The following TNRC6B variants were observed in gnomAD, a reference collection of about 807,000 sequenced individuals.
TNRC6B encodes the protein trinucleotide repeat-containing gene 6B protein.
A neutral mutation model predicts 203.6 loss-of-function variants in TNRC6B; 52 were observed. The observed-to-expected ratio is 0.26, with a 90% confidence interval of 0.20 to 0.32. TNRC6B has a LOEUF of 0.32. Among genes scored for constraint, TNRC6B ranks in the 10% least tolerant of loss-of-function variants. The probability of loss-of-function intolerance (pLI) is 1.00; values close to 1 mark genes in which losing one functional copy is unlikely to be tolerated. For synonymous variants in TNRC6B, 838 were observed against 845.7 expected (o/e 0.99, Z 0.16); for missense variants, 1,923 against 2,286.2 (o/e 0.84, Z 3.24).
upstream of TNRC6B, among the ~76,000 whole-genome samples, chr22:40,177,748 T>C (rs1297483209): frequency 1.3e-5 from 2 of 152,244 alleles, no homozygotes; most frequent in Non-Finnish European, 2.9e-5. Context: ...TCACATGCAG[T>C]GTCTGTAGGC....
chr22:40,268,270 G>A (rs1330799353), intron 5 of TNRC6B, among the ~76,000 whole-genome samples: 1 of 152,056 alleles, frequency 6.6e-6, no homozygotes, highest in Non-Finnish European at 1.5e-5. Flanking sequence ...ATTTTTAGTA[G>A]AGACAGGATT....
At chr22:40,313,760 T>C (rs1465432633) in intron 19 of TNRC6B, among the ~76,000 whole-genome samples, 2 of 152,224 alleles carry the variant, frequency 1.3e-5, no homozygotes, top group Non-Finnish European at 2.9e-5. Flanking sequence ...CTCTGTCATA[T>C]CAGCAGTGCA....
At chr22:40,065,329 G>C (rs1013328412) in intron 1 of TNRC6B, among the ~76,000 whole-genome samples, 2 of 151,600 alleles carry the variant, frequency 1.3e-5, no homozygotes, top group African/African-American at 4.9e-5. Flanking sequence ...TTGTTTTTGT[G>C]GAGGTAGGGT....
chr22:40,243,025 C>A (rs566179123), intron 1 of TNRC6B, among the ~76,000 whole-genome samples: 80 of 152,200 alleles, frequency 5.3e-4, no homozygotes, highest in Admixed American at 9.8e-4. Flanking sequence ...TGTGCCACCA[C>A]GCCCAGCTAA....
At chr22:40,101,038 G>A (rs1413437986) in intron 1 of TNRC6B, among the ~76,000 whole-genome samples, 1 of 151,518 alleles carries the variant, frequency 6.6e-6, no homozygotes, top group Admixed American at 6.6e-5. Flanking sequence ...TGTTGCCCAG[G>A]CTGGAGTGCA....
At chr22:40,277,241 C>T (rs1569050617) in intron 8 of TNRC6B, 90 bp downstream of exon 8, 4 of 900,444 alleles carry the variant, frequency 4.4e-6, no homozygotes, top group Non-Finnish European at 6.5e-6. Flanking sequence ...ACATATAGTA[C>T]AAAATTAAAG....
chr22:40,113,583 G>A (rs538308676), intron 1 of TNRC6B, among the ~76,000 whole-genome samples: 5 of 152,242 alleles, frequency 3.3e-5, no homozygotes, highest in East Asian at 1.9e-4. Context: ...TCTTGAACTC[G>A]TGAGCTCAAT....
chr22:40,219,278 G>C (rs2069676691), intron 1 of TNRC6B, among the ~76,000 whole-genome samples: 1 of 152,174 alleles, frequency 6.6e-6, no homozygotes, highest in South Asian at 2.1e-4. Flanking sequence ...ACGAGTAAGT[G>C]CTCCATGCTT....
intron 1 of TNRC6B, among the ~76,000 whole-genome samples, chr22:40,054,892 C>G (rs1208268116): frequency 6.7e-6 from 1 of 149,740 alleles, no homozygotes; most frequent in Non-Finnish European, 1.5e-5. Flanking sequence ...AAAAAATTAG[C>G]TGGTTGTAGT....
intron 1 of TNRC6B, among the ~76,000 whole-genome samples, chr22:40,046,282 T>A (rs962374049): frequency 6.6e-6 from 1 of 152,232 alleles, no homozygotes; most frequent in East Asian, 1.9e-4. Context: ...ATGCCTCTTA[T>A]AGAGCGGAAC....
chr22:40,299,902 A>G (rs1203533425), intron 12 of TNRC6B, among the ~76,000 whole-genome samples: 1 of 152,248 alleles, frequency 6.6e-6, no homozygotes, highest in Non-Finnish European at 1.5e-5. Flanking sequence ...TCCTGAGAAC[A>G]GGGAGAAGGA....
In TNRC6B at chr22:40,327,210, C is replaced by T. The variant is rs938799776; in HGVS notation, c.*3969C>T. 9 of 152,782 alleles carry T rather than the reference C, an allele frequency of 5.9e-5. No homozygotes were observed. Among genetic ancestry groups the T allele is most frequent in the African/African-American group, 2.2e-4 (9 of 41,440 alleles). The allele number at this position is 152,782 out of a possible 1,614,324, so 9.5% of individuals were successfully genotyped here. ...TGCCTTCGTACATACACCCAGACAT[C>T]CTGAGCAAGGGGGACGCACATGTGT... On this transcript the variant is annotated 3_prime_UTR_variant, in exon 23 of 23. Coordinates refer to ENST00000454349, the MANE Select transcript of TNRC6B (RefSeq NM_001162501.2).
At chr22:40,116,800 G>T (rs1169843981) in intron 1 of TNRC6B, among the ~76,000 whole-genome samples, 2 of 152,170 alleles carry the variant, frequency 1.3e-5, no homozygotes, top group Non-Finnish European at 2.9e-5. Context: ...TATTGAGCAT[G>T]TGTTTGGTAT....
intron 1 of TNRC6B, among the ~76,000 whole-genome samples, chr22:40,066,740 G>A (rs2067896813): frequency 6.6e-6 from 1 of 151,934 alleles, no homozygotes; most frequent in African/African-American, 2.4e-5. Context: ...ATATATTATT[G>A]TTTATATTTA....
intron 15 of TNRC6B, among the ~76,000 whole-genome samples, chr22:40,306,537 T>C (rs2071089458): frequency 6.6e-6 from 1 of 152,168 alleles, no homozygotes; most frequent in Admixed American, 6.5e-5. Flanking sequence ...AAGGCAGAAG[T>C]GTAATTTACT....
intron 1 of TNRC6B, among the ~76,000 whole-genome samples, chr22:40,226,658 T>C (rs543924359): frequency 2.6e-5 from 4 of 152,358 alleles, no homozygotes; most frequent in South Asian, 2.1e-4. Flanking sequence ...TGAGAACACA[T>C]GGTCAGAGGA....
In TNRC6B at chr22:40,331,936, A is replaced by T; in HGVS notation, c.*8695A>T. The T allele has an allele frequency of 3.5e-6, 1 of 285,510 alleles. No homozygotes were observed. The highest frequency in any genetic ancestry group is 6.5e-6 in the Non-Finnish European group (1 of 153,656). The allele number at this position is 285,510 out of a possible 1,614,324, so 17.7% of individuals were successfully genotyped here. On this transcript the variant is annotated 3_prime_UTR_variant, in exon 23 of 23. Coordinates refer to ENST00000454349, the MANE Select transcript of TNRC6B (RefSeq NM_001162501.2). ...ACTGTTGCTGGCAGGTCTGATGGCCAGGTAAATTCCAGGGGGCCTGCAGTT... is the reference window on the plus strand; with the variant it reads ...ACTGTTGCTGGCAGGTCTGATGGCCTGGTAAATTCCAGGGGGCCTGCAGTT...
chr22:40,046,844 A>T (rs1436744484), intron 1 of TNRC6B, among the ~76,000 whole-genome samples: 1 of 151,758 alleles, frequency 6.6e-6, no homozygotes, highest in East Asian at 1.9e-4. Context: ...ACGGCGTTTC[A>T]CCATGTTAGC....
intron 1 of TNRC6B, among the ~76,000 whole-genome samples, chr22:40,081,620 A>G (rs2068064754): frequency 6.6e-6 from 1 of 152,220 alleles, no homozygotes; most frequent in Admixed American, 6.5e-5. Context: ...AACCAATTAT[A>G]TAATATTTCT....
Sources: gnomAD v4.1 joint callset for allele counts (sites outside exome capture counted in the v4.1 genomes callset) on GRCh38, gnomAD v4.1.1 for gene constraint, MANE v1.5 for transcripts, NCBI Gene and HGNC (gene_info 2026-07-23, HGNC 2026-07-21) for gene names.